The following WDR43 variants were observed in gnomAD, a reference collection of about 807,000 sequenced individuals.
WDR43 encodes WD repeat domain 43.
Under a neutral mutation model 91.4 loss-of-function variants are expected in WDR43, and 13 were observed. The ratio of observed to expected loss-of-function variants is 0.14; its 90% CI spans 0.09 to 0.23. The LOEUF is 0.23. WDR43 is among the 10% of genes least tolerant of loss of function. The probability of loss-of-function intolerance (pLI) is 1.00; values close to 1 mark genes in which losing one functional copy is unlikely to be tolerated. For synonymous variants in WDR43, 331 were observed against 287.9 expected (o/e 1.15, Z -1.51); for missense variants, 780 against 809.4 (o/e 0.96, Z 0.44).
intron 7 of WDR43, among the ~76,000 whole-genome samples, 169 bp from the exon 8 acceptor site, chr2:28,924,813 G>T (rs1002337921): frequency 1.6e-4 from 24 of 152,088 alleles, no homozygotes; most frequent in African/African-American, 5.8e-4. Flanking sequence ...ATAGGTAGAG[G>T]TAGGTGAGGT....
intron 7 of WDR43, among the ~76,000 whole-genome samples, chr2:28,923,723 C>T (rs185568910): frequency 6.6e-6 from 1 of 152,046 alleles, no homozygotes; most frequent in Admixed American, 6.6e-5. Context: ...GAGTTCTGCT[C>T]CTATAGGTAA....
In WDR43 at chr2:28,948,161, G is replaced by T. The variant is rs565185606; in HGVS notation, c.*1382G>T. On this transcript the variant is annotated 3_prime_UTR_variant, in exon 18 of 18. Transcript: ENST00000407426. ...GTTATATTTGTCTATAAATGGAGCT[G>T]TTTATGGCAATTTAATACCATTCTC... The T allele has an allele frequency of 2.0e-5, 3 of 152,140 alleles. No homozygotes were observed. The highest frequency in any genetic ancestry group is 2.9e-5 in the Non-Finnish European group (2 of 68,034). The allele number at this position is 152,140 out of a possible 1,614,324, so 9.4% of individuals were successfully genotyped here.
Position 28,929,641 on chromosome 2 carries a change from C to A in WDR43, c.1368C>A (p.Asp456Glu). The change falls in exon 11 of 18, where the codon GAC becomes GAA. Residue 456 changes from aspartate (D) to glutamate (E), a missense_variant. Around this residue, in one of 4 missense-constraint regions of WDR43, gnomAD observed 426 missense variants for 467.8 expected, o/e 0.91. Transcript: ENST00000407426. ...ACACACACAAAAAAGGAAAGGAAGACCTCCAGACGAATAGCTTTCCAGTTC... is the reference window on the plus strand; with the variant it reads ...ACACACACAAAAAAGGAAAGGAAGAACTCCAGACGAATAGCTTTCCAGTTC... The part of the protein sequence containing the change: ...DIDTHKKGKE[D>E]LQTNSFPVLL... 1 of 1,613,672 alleles carries A rather than the reference C, an allele frequency of 6.2e-7. No homozygotes were observed. The highest frequency in any genetic ancestry group is 8.5e-7 in the Non-Finnish European group (1 of 1,179,732).
chr2:28,927,761 A>G, intron 10 of WDR43, 61 bp downstream of exon 10: 2 of 1,605,162 alleles, frequency 1.2e-6, no homozygotes, highest in Non-Finnish European at 1.7e-6. Context: ...GGGAAATTCT[A>G]ACAAGTGTGT....
At chr2:28,921,840 G>C (rs1269832420) in intron 6 of WDR43, among the ~76,000 whole-genome samples, 1 of 152,156 alleles carries the variant, frequency 6.6e-6, no homozygotes, top group Non-Finnish European at 1.5e-5. Flanking sequence ...CTTGTGAGTA[G>C]CTGGGACTAC....
chr2:28,925,935 A>G (rs1001283106), intron 8 of WDR43, among the ~76,000 whole-genome samples: 2 of 152,154 alleles, frequency 1.3e-5, no homozygotes, highest in Non-Finnish European at 1.5e-5. Flanking sequence ...ACATGGGCAT[A>G]TAGAATTATG....
intron 14 of WDR43, 27 bp downstream of exon 14, chr2:28,938,021 A>G: frequency 6.2e-7 from 1 of 1,610,224 alleles, no homozygotes; most frequent in Non-Finnish European, 8.5e-7. Context: ...TCTGTTGCCG[A>G]GTATGAATAG....
At chr2:28,913,029 T>A (rs1670835793) in intron 4 of WDR43, among the ~76,000 whole-genome samples, 1 of 145,520 alleles carries the variant, frequency 6.9e-6, no homozygotes, top group Admixed American at 7.1e-5. Flanking sequence ...CTCGGCTCAC[T>A]GCAAGCTCCG....
chr2:28,905,430 G>A (rs1414552502), intron 2 of WDR43, among the ~76,000 whole-genome samples: 1 of 152,142 alleles, frequency 6.6e-6, no homozygotes, highest in Non-Finnish European at 1.5e-5. Context: ...ATATGCTATG[G>A]CCCCATAGTA....
At chr2:28,912,507 C>T (rs1670821095) in intron 3 of WDR43, 83 bp from the exon 4 acceptor site, 8 of 1,505,266 alleles carry the variant, frequency 5.3e-6, no homozygotes, top group Non-Finnish European at 7.2e-6. Context: ...AATGATTGTT[C>T]AGTTTGTTTT....
chr2:28,909,056 G>C (rs1363468349), intron 3 of WDR43, among the ~76,000 whole-genome samples: 1 of 152,092 alleles, frequency 6.6e-6, no homozygotes, highest in Non-Finnish European at 1.5e-5. Flanking sequence ...GGACACATCA[G>C]TCAGTCAATT....
intron 6 of WDR43, among the ~76,000 whole-genome samples, chr2:28,919,484 G>C (rs533492811): frequency 2.6e-5 from 4 of 152,120 alleles, no homozygotes; most frequent in African/African-American, 9.6e-5. Context: ...GTGAAACCCT[G>C]TCTCTACTAA....
At chr2:28,933,954 C>T (rs183587508) in intron 11 of WDR43, among the ~76,000 whole-genome samples, 1 of 152,124 alleles carries the variant, frequency 6.6e-6, no homozygotes, top group Non-Finnish European at 1.5e-5. Context: ...GATGTATCCA[C>T]ATATGATGGA....
At chr2:28,918,028 G>T in intron 6 of WDR43, 33 bp downstream of exon 6, 2 of 1,514,938 alleles carry the variant, frequency 1.3e-6, no homozygotes, top group East Asian at 2.4e-5. Context: ...ATTTGTTTTT[G>T]GGTTTCACAG....
At chr2:28,896,577 C>G (rs1464876912) in intron 1 of WDR43, among the ~76,000 whole-genome samples, 1 of 152,156 alleles carries the variant, frequency 6.6e-6, no homozygotes, top group African/African-American at 2.4e-5. Context: ...AGGATTAGAA[C>G]TCAGGTCCTT....
chr2:28,904,850 A>C (rs1016187729), intron 2 of WDR43, among the ~76,000 whole-genome samples: 1 of 152,206 alleles, frequency 6.6e-6, no homozygotes, highest in Non-Finnish European at 1.5e-5. Flanking sequence ...CTTAGCTTAG[A>C]TATGTACATA....
chr2:28,936,857 A>T, intron 12 of WDR43, 65 bp from the exon 13 acceptor site: 1 of 1,359,418 alleles, frequency 7.4e-7, no homozygotes, highest in South Asian at 1.3e-5. Context: ...TCATTGTATC[A>T]TAGGAATTGA....
intron 5 of WDR43, among the ~76,000 whole-genome samples, chr2:28,916,773 G>T (rs929691167): frequency 1.3e-5 from 2 of 152,098 alleles, no homozygotes; most frequent in South Asian, 2.1e-4. Flanking sequence ...TGAGCCTCCA[G>T]TTGTAACATT....
intron 7 of WDR43, 44 bp from the exon 8 acceptor site, chr2:28,924,938 C>T (rs1423651562): frequency 5.7e-6 from 9 of 1,581,816 alleles, no homozygotes; most frequent in South Asian, 4.7e-5. Flanking sequence ...TAGTATGAGA[C>T]GTTTTTTCAA....
Sources: allele counts gnomAD v4.1 joint callset (sites outside exome capture counted in the v4.1 genomes callset), GRCh38; gene constraint gnomAD v4.1.1; regional missense constraint gnomAD v4.1.1; transcripts MANE v1.5; gene names NCBI Gene and HGNC (gene_info 2026-07-23, HGNC 2026-07-21).